Variants in CSMD1 observed in about 807,000 individuals in gnomAD.
CSMD1 encodes the protein CUB and Sushi multiple domains 1.
Under a neutral mutation model 417.5 loss-of-function variants are expected in CSMD1, and 213 were observed. The ratio of observed to expected loss-of-function variants is 0.51; its 90% confidence interval spans 0.46 to 0.57. CSMD1 has a LOEUF of 0.57. CSMD1 is among the 20% of genes least tolerant of loss of function. CSMD1 has a pLI of 0.00. For missense variants in CSMD1, 6,923 were observed against 4,529.7 expected, an observed-to-expected ratio of 1.53 and a Z score of -15.17; for synonymous variants, 2,862 against 1,736.8, an observed-to-expected ratio of 1.65 and a Z score of -16.11.
intron 2 of CSMD1, among the ~76,000 whole-genome samples, chr8:4,607,195 G>A (rs1416680415): frequency 6.6e-6 from 1 of 152,052 alleles, no homozygotes; most frequent in Admixed American, 6.6e-5. Flanking sequence ...GATAGTGTCG[G>A]CAGGAGTGGG....
chr8:3,613,120 G>C (rs572075841), intron 8 of CSMD1, among the ~76,000 whole-genome samples: 1 of 151,998 alleles, frequency 6.6e-6, no homozygotes, highest in South Asian at 2.1e-4. Context: ...GGATAATAAA[G>C]AAAGATAAGA....
intron 2 of CSMD1, among the ~76,000 whole-genome samples, chr8:4,522,060 C>A (rs557367192): frequency 1.3e-5 from 2 of 152,158 alleles, no homozygotes; most frequent in Non-Finnish European, 2.9e-5. Context: ...TGTCCCCACC[C>A]AAATCTCATC....
intron 3 of CSMD1, among the ~76,000 whole-genome samples, chr8:4,309,746 C>T (rs1426484344): frequency 6.6e-6 from 1 of 152,110 alleles, no homozygotes. Context: ...CTATCACAGT[C>T]TATTGATATT....
In CSMD1 at chr8:3,348,013, C is replaced by G. The variant is rs748062777; in HGVS notation, c.3453G>C (p.Leu1151=). ...TTACCTTTAGAGTATCTCCTTCAAA[C>G]AGCTGGAAGCTTCGTGTTCTAAGGT... ...GIHLRTRSFQ[L]FEGDTLKVYD... is the part of the protein sequence containing the mutation. Residue 1151 remains leucine (L), a synonymous_variant, in exon 22 of 70, where the codon CTG becomes CTC. Coordinates refer to ENST00000635120, the MANE Select transcript of CSMD1 (RefSeq NM_033225.6). 123 of 1,602,604 alleles carry G rather than the reference C, an allele frequency of 7.7e-5. No homozygotes were observed. The highest frequency in any genetic ancestry group is 3.4e-5 in the Admixed American group (2 of 58,210).
intron 5 of CSMD1, among the ~76,000 whole-genome samples, chr8:3,980,373 T>C (rs12677913): frequency 6.6e-6 from 1 of 151,844 alleles, no homozygotes; most frequent in African/African-American, 2.4e-5. Flanking sequence ...ACGCGGTATT[T>C]TAAGTGTTGA....
At chr8:3,697,715 G>T (rs1458519130) in intron 7 of CSMD1, among the ~76,000 whole-genome samples, 7 of 152,030 alleles carry the variant, frequency 4.6e-5, no homozygotes, top group Non-Finnish European at 1.0e-4. Context: ...GGAATAGAAA[G>T]TAATTTAGTT....
intron 5 of CSMD1, among the ~76,000 whole-genome samples, chr8:3,889,751 C>G (rs1283730081): frequency 6.6e-6 from 1 of 151,724 alleles, no homozygotes; most frequent in Non-Finnish European, 1.5e-5. Flanking sequence ...TGTATAGTAT[C>G]ACCTTAAGCA....
intron 1 of CSMD1, among the ~76,000 whole-genome samples, chr8:4,668,202 T>C (rs1006069429): frequency 2.6e-5 from 4 of 152,080 alleles, no homozygotes; most frequent in African/African-American, 4.8e-5. Context: ...CTGTTATGGC[T>C]TCTGATCCTT....
chr8:3,595,347 C>G (rs1206446094), intron 8 of CSMD1, among the ~76,000 whole-genome samples: 1 of 152,158 alleles, frequency 6.6e-6, no homozygotes, highest in Non-Finnish European at 1.5e-5. Flanking sequence ...ATTGAAATGC[C>G]TTTTATTACC....
At chr8:4,639,024 A>G (rs1419369434) in intron 1 of CSMD1, among the ~76,000 whole-genome samples, 1 of 152,162 alleles carries the variant, frequency 6.6e-6, no homozygotes, top group Non-Finnish European at 1.5e-5. Flanking sequence ...CTGGGAGATT[A>G]GTAACAGCTG....
At chr8:4,002,363 A>G (rs68001273) in intron 4 of CSMD1, among the ~76,000 whole-genome samples, 16,416 of 152,162 alleles carry the variant, frequency 0.11, 968 homozygotes, top group African/African-American at 0.14. Context: ...TTTACTTTCT[A>G]AACAGCAACA....
At chr8:3,343,612 A>G (rs969402140) in intron 22 of CSMD1, among the ~76,000 whole-genome samples, 162 bp from the exon 23 acceptor site, 1 of 152,230 alleles carries the variant, frequency 6.6e-6, no homozygotes, top group Non-Finnish European at 1.5e-5. Flanking sequence ...GCTAAATCAT[A>G]TTTGTTCTTT....
chr8:4,974,532 AGAGT>A (rs1810433905), intron 1 of CSMD1, among the ~76,000 whole-genome samples: 1 of 152,204 alleles, frequency 6.6e-6, no homozygotes, highest in Non-Finnish European at 1.5e-5. Flanking sequence ...TAATAACGTG[AGAGT>A]TAGTTCAGGC....
chr8:3,693,521 C>A (rs1472426793), intron 7 of CSMD1, among the ~76,000 whole-genome samples: 1 of 152,116 alleles, frequency 6.6e-6, no homozygotes, highest in African/African-American at 2.4e-5. Context: ...ATTCATTTAT[C>A]CATTATACAT....
chr8:3,925,901 T>C (rs913818215), intron 5 of CSMD1, among the ~76,000 whole-genome samples: 4 of 152,062 alleles, frequency 2.6e-5, no homozygotes, highest in African/African-American at 7.2e-5. Context: ...AAATATATAC[T>C]ATCTGCATAA....
At chr8:4,710,439 T>G (rs1808213246) in intron 1 of CSMD1, among the ~76,000 whole-genome samples, 1 of 146,572 alleles carries the variant, frequency 6.8e-6, no homozygotes, top group Admixed American at 6.8e-5. Context: ...AATATAAACT[T>G]TATATATTGA....
chr8:3,956,031 G>C (rs1811921707), intron 5 of CSMD1, among the ~76,000 whole-genome samples: 1 of 152,180 alleles, frequency 6.6e-6, no homozygotes, highest in African/African-American at 2.4e-5. Flanking sequence ...CTGACCTCAG[G>C]TGATCTACCT....
chr8:3,501,774 T>C (rs776571557), intron 10 of CSMD1, among the ~76,000 whole-genome samples: 5 of 152,152 alleles, frequency 3.3e-5, no homozygotes, highest in African/African-American at 4.8e-5. Flanking sequence ...TAAAAGAAAA[T>C]GCACACTTTC....
At chr8:4,096,863 T>C (rs1801039804) in intron 3 of CSMD1, among the ~76,000 whole-genome samples, 1 of 152,216 alleles carries the variant, frequency 6.6e-6, no homozygotes, top group African/African-American at 2.4e-5. Flanking sequence ...AAAGGATTCC[T>C]GCAAAGCCAT....
Sources: gnomAD v4.1 joint callset for allele counts (sites outside exome capture counted in the v4.1 genomes callset) on GRCh38, gnomAD v4.1.1 for gene constraint, MANE v1.5 for transcripts, NCBI Gene and HGNC (gene_info 2026-07-23, HGNC 2026-07-21) for gene names.